Variants in CNTN3 observed in about 807,000 individuals in gnomAD.
The protein encoded by CNTN3 is contactin 3.
A neutral mutation model predicts 119.1 loss-of-function variants in CNTN3; 60 were observed. That is an observed-to-expected ratio of 0.50 (90% CI 0.41 to 0.62). The LOEUF is 0.62. Ranked by LOEUF, CNTN3 falls within the 20% of genes least tolerant of loss-of-function variation. The pLI, the probability that CNTN3 is intolerant of heterozygous loss-of-function variation, is 0.00. For synonymous variants in CNTN3, 450 were observed against 438.7 expected (o/e 1.03, Z -0.32); for missense variants, 1,101 against 1,242.4 (o/e 0.89, Z 1.71).
At chr3:74,323,473 G>A (rs1371865219) in intron 13 of CNTN3, among the ~76,000 whole-genome samples, 3 of 152,106 alleles carry the variant, frequency 2.0e-5, no homozygotes, top group Non-Finnish European at 4.4e-5. Flanking sequence ...TCTGGTTAAG[G>A]GATATGAGCT....
At position 74,285,389 on chromosome 3, in the gene CNTN3, C is replaced by T; in HGVS notation, c.2620G>A (p.Ala874Thr). The T allele has an allele frequency of 3.1e-6, 5 of 1,613,634 alleles. No individual in the cohort carries two copies. The highest frequency in any genetic ancestry group is 4.2e-6 in the Non-Finnish European group (5 of 1,179,794). The change falls in exon 20 of 23, where the codon GCC becomes ACC. Residue 874 changes from alanine to threonine, a missense_variant. Transcript: ENST00000263665. ...TAAGCCCGGACAGCCGTGTAATAGG[C>T]CAGGTTGCTCTTCAGGCCCCGTAGT... ...ARLRGLKSNL[A>T]YYTAVRAYNS...
At chr3:74,370,590 T>G (rs1019477350) in intron 6 of CNTN3, among the ~76,000 whole-genome samples, 4 of 152,084 alleles carry the variant, frequency 2.6e-5, no homozygotes, top group Non-Finnish European at 5.9e-5. Context: ...CAAATTCAAT[T>G]ATAACTGACT....
chr3:74,534,687 T>TA (rs1316420607), intron 1 of CNTN3, among the ~76,000 whole-genome samples: 2 of 152,180 alleles, frequency 1.3e-5, no homozygotes, highest in East Asian at 3.9e-4. Context: ...TATTGAGCCC[T>TA]AAAATAACTT....
chr3:74,406,836 A>C (rs1446957524), intron 5 of CNTN3, among the ~76,000 whole-genome samples: 1 of 152,192 alleles, frequency 6.6e-6, no homozygotes, highest in Non-Finnish European at 1.5e-5. Context: ...GCTAGTAATT[A>C]TTTTGTTTCT....
intron 11 of CNTN3, among the ~76,000 whole-genome samples, chr3:74,344,724 GCTGGGATTAC>G (rs1248618662): frequency 6.6e-6 from 1 of 152,144 alleles, no homozygotes; most frequent in African/African-American, 2.4e-5. Context: ...CTCCCAAAGT[GCTGGGATTAC>G]AGGCGTTGAG....
At chr3:74,431,779 G>A (rs1701787230) in intron 4 of CNTN3, among the ~76,000 whole-genome samples, 1 of 152,108 alleles carries the variant, frequency 6.6e-6, no homozygotes, top group Admixed American at 6.5e-5. Context: ...CTGAAATGGT[G>A]GCCAGCTGAC....
chr3:74,358,962 A>G (rs1180573317), intron 11 of CNTN3, among the ~76,000 whole-genome samples: 3 of 151,964 alleles, frequency 2.0e-5, no homozygotes, highest in Non-Finnish European at 4.4e-5. Context: ...ATGGCTGCAT[A>G]GTATTCCATG....
chr3:74,380,662 C>T (rs1704592842), intron 5 of CNTN3, among the ~76,000 whole-genome samples: 1 of 152,188 alleles, frequency 6.6e-6, no homozygotes, highest in Non-Finnish European at 1.5e-5. Context: ...TTATCATTCC[C>T]ACACCAACTC....
At chr3:74,555,349 A>G (rs1704053339) in intron 1 of CNTN3, among the ~76,000 whole-genome samples, 2 of 152,192 alleles carry the variant, frequency 1.3e-5, no homozygotes, top group African/African-American at 4.8e-5. Flanking sequence ...ATCAATGATC[A>G]TCAGGGATAT....
At chr3:74,295,865 T>A (rs1389142266) in intron 18 of CNTN3, among the ~76,000 whole-genome samples, 1 of 152,156 alleles carries the variant, frequency 6.6e-6, no homozygotes, top group African/African-American at 2.4e-5. Flanking sequence ...GAATCTCCCC[T>A]CCCTCAGGTG....
At chr3:74,612,239 T>G (rs552816798) in intron 1 of CNTN3, among the ~76,000 whole-genome samples, 3 of 152,164 alleles carry the variant, frequency 2.0e-5, no homozygotes, top group Non-Finnish European at 4.4e-5. Context: ...GAAAAGAGGC[T>G]ATTAGTTTGT....
At chr3:74,558,100 G>A (rs1704098354) in intron 1 of CNTN3, among the ~76,000 whole-genome samples, 1 of 152,102 alleles carries the variant, frequency 6.6e-6, no homozygotes, top group Non-Finnish European at 1.5e-5. Flanking sequence ...TCCCTCTTTA[G>A]GGATAATCTT....
chr3:74,489,099 T>C (rs66664395), intron 3 of CNTN3, among the ~76,000 whole-genome samples: 48,120 of 151,770 alleles, frequency 0.32, 10,057 homozygotes, highest in Non-Finnish European at 0.46. Flanking sequence ...AAAGTATCCA[T>C]TCACACTCCT....
At chr3:74,335,994 T>C (rs1471703596) in intron 12 of CNTN3, among the ~76,000 whole-genome samples, 1 of 152,130 alleles carries the variant, frequency 6.6e-6, no homozygotes, top group East Asian at 1.9e-4. Context: ...CTACTGTTAT[T>C]TTCTTTCTCC....
At chr3:74,325,554 A>G (rs192990446) in intron 13 of CNTN3, among the ~76,000 whole-genome samples, 2 of 152,270 alleles carry the variant, frequency 1.3e-5, no homozygotes, top group East Asian at 3.9e-4. Context: ...GAATATGGGG[A>G]AGCAGGACCC....
At chr3:74,508,760 A>T (rs1230740049) in intron 2 of CNTN3, among the ~76,000 whole-genome samples, 2 of 152,164 alleles carry the variant, frequency 1.3e-5, no homozygotes, top group African/African-American at 4.8e-5. Context: ...TCATCACAAC[A>T]TCAATGGGTT....
chr3:74,614,125 G>T (rs1481744379), intron 1 of CNTN3, among the ~76,000 whole-genome samples: 1 of 152,120 alleles, frequency 6.6e-6, no homozygotes, highest in East Asian at 1.9e-4. Flanking sequence ...CAAGCCCAAG[G>T]GACCTACCAC....
At chr3:74,414,405 T>G (rs915209108) in intron 5 of CNTN3, among the ~76,000 whole-genome samples, 2 of 152,234 alleles carry the variant, frequency 1.3e-5, no homozygotes, top group Non-Finnish European at 2.9e-5. Context: ...GTACTTGCTC[T>G]GGCATAAATA....
chr3:74,397,004 G>GATGTGATC (rs1020695121), intron 5 of CNTN3, among the ~76,000 whole-genome samples: 2 of 152,180 alleles, frequency 1.3e-5, no homozygotes, highest in Non-Finnish European at 2.9e-5. Context: ...CTTGGAAGAA[G>GATGTGATC]ATGTGATCTA....
Sources: allele counts gnomAD v4.1 joint callset (sites outside exome capture counted in the v4.1 genomes callset), GRCh38; gene constraint gnomAD v4.1.1; transcripts MANE v1.5; gene names NCBI Gene and HGNC (gene_info 2026-07-23, HGNC 2026-07-21).